GPC5: variants seen among roughly 807,000 people sequenced by gnomAD.
GPC5 encodes the protein glypican-5.
Under a neutral mutation model 53.9 loss-of-function variants are expected in GPC5, and 47 were observed. The ratio of observed to expected loss-of-function variants is 0.87; its 90% confidence interval spans 0.69 to 1.11. The LOEUF is 1.11. Among genes scored for constraint, GPC5 ranks in the 50% most tolerant of loss-of-function variants. The probability of loss-of-function intolerance (pLI) is 0.00; values close to 1 mark genes in which losing one functional copy is unlikely to be tolerated. For synonymous variants in GPC5, 286 were observed against 263.3 expected (o/e 1.09, Z -0.84); for missense variants, 748 against 713.1 (o/e 1.05, Z -0.56).
chr13:92,081,876 T>G (rs1409123094), intron 6 of GPC5, among the ~76,000 whole-genome samples: 1 of 152,188 alleles, frequency 6.6e-6, no homozygotes, highest in East Asian at 1.9e-4. Context: ...GTATATTGTG[T>G]TACAAATTAA....
At chr13:91,479,153 T>G (rs1156720894) in intron 2 of GPC5, among the ~76,000 whole-genome samples, 1 of 151,802 alleles carries the variant, frequency 6.6e-6, no homozygotes, top group Admixed American at 6.6e-5. Context: ...GCTCAGGCAG[T>G]CTGCCTGGCT....
rs568838308 is a variant in GPC5 at position 92,144,857 on chromosome 13, G to C, written c.1429G>C (p.Asp477His). ...GTTACAGGGTAGATCACCCAAACCT[G>C]ACAAGTGGGAACTTCTTCAGCTGGG... ...QLLQGRSPKP[D>H]KWELLQLGSG... The change falls in exon 7 of 8, where the codon GAC (aspartate) becomes CAC (histidine). Residue 477 changes from aspartate to histidine, a missense_variant. Asp to His is a moderately conservative substitution (Grantham distance 81). Coordinates refer to ENST00000377067, the MANE Select transcript of GPC5 (RefSeq NM_004466.6). The C allele has an allele frequency of 1.9e-6, 3 of 1,611,794 alleles. No individual in the cohort carries two copies. The highest frequency in any genetic ancestry group is 2.5e-6 in the Non-Finnish European group (3 of 1,178,960).
chr13:91,566,098 G>C (rs1428440441), intron 2 of GPC5, among the ~76,000 whole-genome samples: 4 of 152,084 alleles, frequency 2.6e-5, no homozygotes, highest in African/African-American at 9.7e-5. Context: ...CATGTGCAAA[G>C]ACCTTTTTCC....
chr13:92,698,811 A>T (rs894188231), intron 7 of GPC5, among the ~76,000 whole-genome samples: 29 of 152,122 alleles, frequency 1.9e-4, no homozygotes, highest in Non-Finnish European at 2.9e-5. Context: ...GTTTCTCCAC[A>T]TCCTCTCCAG....
At chr13:92,306,455 T>C (rs2043111302) in intron 7 of GPC5, among the ~76,000 whole-genome samples, 1 of 152,172 alleles carries the variant, frequency 6.6e-6, no homozygotes, top group African/African-American at 2.4e-5. Context: ...GAGGGATCTT[T>C]TGTGACACGG....
chr13:92,779,213 T>C (rs1412264425), intron 7 of GPC5, among the ~76,000 whole-genome samples: 1 of 151,934 alleles, frequency 6.6e-6, no homozygotes, highest in Non-Finnish European at 1.5e-5. Context: ...TTTAAAACCA[T>C]CAGATCTCAT....
At chr13:92,413,256 T>C (rs962601795) in intron 7 of GPC5, among the ~76,000 whole-genome samples, 1 of 152,192 alleles carries the variant, frequency 6.6e-6, no homozygotes, top group African/African-American at 2.4e-5. Context: ...TACTGAGTGT[T>C]GTTGGTTTTA....
At chr13:92,674,534 TGCTTCATGAAGCAGGA>T (rs1346953671) in intron 7 of GPC5, among the ~76,000 whole-genome samples, 4 of 150,192 alleles carry the variant, frequency 2.7e-5, no homozygotes, top group East Asian at 4.0e-4. Context: ...CATGAATTCT[TGCTTCATGAAGCAGGA>T]GCTTCATGAA....
intron 7 of GPC5, among the ~76,000 whole-genome samples, chr13:92,788,653 G>A (rs183438231): frequency 6.6e-5 from 10 of 152,216 alleles, no homozygotes; most frequent in South Asian, 2.1e-4. Flanking sequence ...TTCAATGATC[G>A]GAAATGATAC....
Position 92,003,180 on chromosome 13 carries a change from G to C in GPC5, c.1401+95123G>C, listed in dbSNP as rs181679064. On this transcript the variant is annotated intron_variant, in intron 6 of 7. Transcript: ENST00000377067. ...ACAAAAATTAGCTGGGCGTGGTGGT[G>C]CATACCTGTAATCCCAGCTACTCCC... Among the ~76,000 whole-genome samples the C allele has an allele frequency of 1.5e-3, 224 of 151,996 alleles. 1 individual carries two copies. The highest frequency in any genetic ancestry group is 5.1e-3 in the African/African-American group (211 of 41,476).
chr13:92,383,486 G>A (rs1451615254), intron 7 of GPC5, among the ~76,000 whole-genome samples: 2 of 152,168 alleles, frequency 1.3e-5, no homozygotes, highest in Admixed American at 1.3e-4. Context: ...ATACCTGCAA[G>A]AGTAAATGAT....
chr13:92,633,672 C>A (rs1885327986), intron 7 of GPC5, among the ~76,000 whole-genome samples: 1 of 151,978 alleles, frequency 6.6e-6, no homozygotes, highest in Non-Finnish European at 1.5e-5. Flanking sequence ...CTTCTTCAAT[C>A]CAAATTTATC....
intron 6 of GPC5, among the ~76,000 whole-genome samples, chr13:92,144,215 A>G (rs187397852): frequency 2.0e-5 from 3 of 152,360 alleles, no homozygotes; most frequent in Admixed American, 1.3e-4. Context: ...CTTGAGAATC[A>G]AGAACTGAGA....
rs150630419 is a variant in GPC5, at chr13:91,594,828, C to A, written c.326-98359C>A. ...CAAGAAGCTGGGACTAGAGGGCATA[C>A]CACCATCTAGCTAATTTTATTTTTT... On this transcript the variant is annotated intron_variant, in intron 2 of 7. Transcript: ENST00000377067. Among the ~76,000 whole-genome samples, 152 of 151,846 alleles carry A rather than the reference C, an allele frequency of 1.0e-3. 5 individuals are homozygous for A. The East Asian group carries it at 0.029, about 29-fold the overall frequency.
chr13:92,158,390 G>A (rs1268924921), intron 7 of GPC5, among the ~76,000 whole-genome samples: 1 of 152,006 alleles, frequency 6.6e-6, no homozygotes, highest in Non-Finnish European at 1.5e-5. Context: ...AAAACACAAT[G>A]CCCAAATAAT....
At chr13:91,785,350 A>G (rs1171849338) in intron 5 of GPC5, among the ~76,000 whole-genome samples, 1 of 152,090 alleles carries the variant, frequency 6.6e-6, no homozygotes, top group African/African-American at 2.4e-5. Flanking sequence ...CTAGTAATTC[A>G]TTCCCCGATT....
At chr13:92,201,863 A>T (rs1403907993) in intron 7 of GPC5, among the ~76,000 whole-genome samples, 1 of 152,210 alleles carries the variant, frequency 6.6e-6, no homozygotes, top group Non-Finnish European at 1.5e-5. Context: ...GGAGTCTTTG[A>T]TGTCAACAAA....
At chr13:92,231,690 A>ATTTG (rs1566495737) in intron 7 of GPC5, among the ~76,000 whole-genome samples, 1 of 152,078 alleles carries the variant, frequency 6.6e-6, no homozygotes, top group East Asian at 1.9e-4. Flanking sequence ...AATGACAGCC[A>ATTTG]GGCAAGGTGG....
rs540892443 is a variant in GPC5 at position 91,722,392 on chromosome 13, G to C, written c.1021-6140G>C. 5.8e-4 allele frequency among the ~76,000 whole-genome samples: 89 copies of C among 152,290 alleles called. 1 individual carries two copies. The highest frequency in any genetic ancestry group is 2.1e-3 in the African/African-American group (87 of 41,558). On this transcript the variant is annotated intron_variant, in intron 3 of 7. Coordinates refer to ENST00000377067, the MANE Select transcript of GPC5 (RefSeq NM_004466.6). ...AAGCACTTGTCACTTGGGCTTACAA[G>C]TTGGATTTTCCTTTAAGAGCCTGAA...
Sources: allele counts gnomAD v4.1 joint callset (sites outside exome capture counted in the v4.1 genomes callset), GRCh38; gene constraint gnomAD v4.1.1; transcripts MANE v1.5; gene names NCBI Gene and HGNC (gene_info 2026-07-23, HGNC 2026-07-21).